The following KDM2A variants were observed in gnomAD, a reference collection of about 807,000 sequenced individuals.
KDM2A encodes lysine demethylase 2A, also known as lysine-specific demethylase 2A.
A neutral mutation model predicts 137.3 loss-of-function variants in KDM2A; 3 were observed. That is an observed-to-expected ratio of 0.02 (90% CI 0.01 to 0.06). The LOEUF (loss-of-function observed/expected upper bound fraction) is 0.06. KDM2A is among the 10% of genes least tolerant of loss of function. The probability of loss-of-function intolerance (pLI) is 1.00; values close to 1 mark genes in which losing one functional copy is unlikely to be tolerated. For synonymous variants in KDM2A, 512 were observed against 541.5 expected (o/e 0.95, Z 0.76); for missense variants, 738 against 1,510.6 (o/e 0.49, Z 8.48).
At chr11:67,171,191 G>A (rs1193188589) in intron 2 of KDM2A, among the ~76,000 whole-genome samples, 1 of 152,162 alleles carries the variant, frequency 6.6e-6, no homozygotes, top group Non-Finnish European at 1.5e-5. Context: ...ATTGAGATTT[G>A]TGATACATAG....
At chr11:67,162,593 A>T (rs1565383809) in intron 2 of KDM2A, among the ~76,000 whole-genome samples, 1 of 152,044 alleles carries the variant, frequency 6.6e-6, no homozygotes, top group Non-Finnish European at 1.5e-5. Context: ...TTTAGTAGAG[A>T]TGGGGTTTCA....
chr11:67,132,272 C>A (rs767777710), intron 2 of KDM2A, among the ~76,000 whole-genome samples: 19 of 152,066 alleles, frequency 1.2e-4, no homozygotes, highest in Non-Finnish European at 2.4e-4. Flanking sequence ...TGGACATAGC[C>A]ATTAGAAGTT....
intron 12 of KDM2A, among the ~76,000 whole-genome samples, chr11:67,234,670 C>T (rs1392990069): frequency 6.6e-6 from 1 of 152,108 alleles, no homozygotes. Context: ...GCCTGGGCAA[C>T]GTGGCGAAAC....
intron 2 of KDM2A, among the ~76,000 whole-genome samples, chr11:67,160,238 T>C (rs1265783838): frequency 6.6e-6 from 1 of 152,200 alleles, no homozygotes; most frequent in Non-Finnish European, 1.5e-5. Flanking sequence ...CAGTAGAGTT[T>C]GTCTTTGTAG....
At chr11:67,198,468 A>T (rs1857536256) in intron 5 of KDM2A, among the ~76,000 whole-genome samples, 2 of 152,030 alleles carry the variant, frequency 1.3e-5, no homozygotes, top group Admixed American at 1.3e-4. Flanking sequence ...CATGCCTGTA[A>T]TCCCAGCACT....
chr11:67,164,410 C>T (rs1193412274), intron 2 of KDM2A, among the ~76,000 whole-genome samples: 2 of 152,112 alleles, frequency 1.3e-5, no homozygotes, highest in Non-Finnish European at 2.9e-5. Flanking sequence ...TATTAACTTA[C>T]ATTTTTAGTT....
intron 10 of KDM2A, among the ~76,000 whole-genome samples, chr11:67,227,777 G>A (rs1271540690): frequency 6.6e-6 from 1 of 152,060 alleles, no homozygotes; most frequent in Non-Finnish European, 1.5e-5. Flanking sequence ...CACCATGTTG[G>A]TCAGGCTGGT....
intron 12 of KDM2A, 73 bp downstream of exon 12, chr11:67,232,033 A>G: frequency 6.9e-7 from 1 of 1,449,398 alleles, no homozygotes; most frequent in Non-Finnish European, 9.2e-7. Context: ...CAGAGGGAGA[A>G]AATATAGGAA....
rs78404433 is a variant in KDM2A, at chr11:67,168,259, A to G, written c.43-11820A>G. Among the ~76,000 whole-genome samples the G allele has an allele frequency of 3.4e-3, 515 of 152,206 alleles. 4 individuals are homozygous for G. The highest frequency in any genetic ancestry group is 6.6e-3 in the East Asian group (34 of 5,172). On this transcript the variant is annotated intron_variant, in intron 2 of 20. Transcript: ENST00000529006. The stretch of plus-strand genomic sequence containing the variant: ...GGTCTTTGGAACTTGGTAGATGTCC[A>G]GTGAAGTTATGCTGAATGAATCAGC...
intron 2 of KDM2A, among the ~76,000 whole-genome samples, chr11:67,122,228 T>C (rs1460250025): frequency 2.6e-5 from 4 of 152,222 alleles, no homozygotes; most frequent in African/African-American, 9.6e-5. Context: ...GGTGGTTTTA[T>C]TTGGCTCTGC....
At chr11:67,136,435 C>T (rs1177514003) in intron 2 of KDM2A, among the ~76,000 whole-genome samples, 1 of 152,174 alleles carries the variant, frequency 6.6e-6, no homozygotes, top group Non-Finnish European at 1.5e-5. Flanking sequence ...GTCATCTGTT[C>T]TCATTCAGGA....
chr11:67,133,224 C>A (rs999030807), intron 2 of KDM2A, among the ~76,000 whole-genome samples: 1 of 151,982 alleles, frequency 6.6e-6, no homozygotes, highest in African/African-American at 2.4e-5. Flanking sequence ...CTCAGCCTCC[C>A]AGGTAGCTGG....
At chr11:67,164,418 GT>G (rs1433379231) in intron 2 of KDM2A, among the ~76,000 whole-genome samples, 2 of 152,066 alleles carry the variant, frequency 1.3e-5, no homozygotes, top group African/African-American at 4.8e-5. Flanking sequence ...TACATTTTTA[GT>G]TTCTCTGGTG....
chr11:67,199,471 G>C (rs1033105242), intron 5 of KDM2A, among the ~76,000 whole-genome samples: 1 of 152,190 alleles, frequency 6.6e-6, no homozygotes, highest in Non-Finnish European at 1.5e-5. Context: ...CAGTGAACAT[G>C]GGGATAAGAA....
At chr11:67,124,514 A>G (rs1032232487) in intron 2 of KDM2A, among the ~76,000 whole-genome samples, 17 of 141,668 alleles carry the variant, frequency 1.2e-4, no homozygotes, top group African/African-American at 2.9e-4. Context: ...GGGTTTCGCT[A>G]TATTGGCAGG....
intron 6 of KDM2A, among the ~76,000 whole-genome samples, chr11:67,211,613 C>CAAAAAAAA (rs377116306): frequency 9.9e-5 from 5 of 50,256 alleles, no homozygotes; most frequent in Non-Finnish European, 1.2e-4. Flanking sequence ...GACCCTGTCT[C>CAAAAAAAA]AAAAAAAAAA....
At chr11:67,251,719 TCTG>T in intron 17 of KDM2A, among the ~76,000 whole-genome samples, 1 of 152,222 alleles carries the variant, frequency 6.6e-6, no homozygotes. Flanking sequence ...AGCAGCAAAA[TCTG>T]CTGTATTGTC....
At chr11:67,187,958 G>T (rs1481111337) in intron 5 of KDM2A, among the ~76,000 whole-genome samples, 1 of 152,172 alleles carries the variant, frequency 6.6e-6, no homozygotes, top group Non-Finnish European at 1.5e-5. Context: ...ACTTTGGGAG[G>T]CTGAGGCAGG....
intron 2 of KDM2A, among the ~76,000 whole-genome samples, chr11:67,139,354 C>T (rs1373467797): frequency 6.6e-6 from 1 of 151,966 alleles, no homozygotes; most frequent in Non-Finnish European, 1.5e-5. Context: ...AAATGATTCT[C>T]CTGCCTGAGC....
Sources: gnomAD v4.1 joint callset for allele counts (sites outside exome capture counted in the v4.1 genomes callset) on GRCh38, gnomAD v4.1.1 for gene constraint, MANE v1.5 for transcripts, NCBI Gene and HGNC (gene_info 2026-07-23, HGNC 2026-07-21) for gene names.